Variants in SLC5A4 observed in about 807,000 individuals in gnomAD.
The protein encoded by SLC5A4 is solute carrier family 5 member 4, also known as probable glucose sensor protein SLC5A4.
Under a neutral mutation model 70.3 loss-of-function variants are expected in SLC5A4, and 55 were observed. That is an observed-to-expected ratio of 0.78 (90% confidence interval 0.63 to 0.98). SLC5A4 has a LOEUF of 0.98. Ranked by LOEUF, SLC5A4 falls within the 50% of genes least tolerant of loss-of-function variation. The pLI is 0.00. For synonymous variants in SLC5A4, 268 were observed against 305.7 expected, an observed-to-expected ratio of 0.88 and a Z score of 1.29; for missense variants, 735 against 839.2, an observed-to-expected ratio of 0.88 and a Z score of 1.53.
the SLC5A4 span, chr22:32,272,568 G>T: frequency 1.6e-6 from 1 of 638,178 alleles, no homozygotes; most frequent in East Asian, 2.7e-5. Context: ...GGTGTACAGC[G>T]TGGACTTCAT....
chr22:32,245,136 G>A (rs1005225143), intron 5 of SLC5A4, among the ~76,000 whole-genome samples: 1 of 152,162 alleles, frequency 6.6e-6, no homozygotes, highest in Non-Finnish European at 1.5e-5. Flanking sequence ...GGGCAGAGGA[G>A]AGTTATGAAA....
chr22:32,325,910 A>G, the SLC5A4 span, among the ~76,000 whole-genome samples: 4 of 152,206 alleles, frequency 2.6e-5, no homozygotes, highest in South Asian at 4.1e-4. Context: ...TGGCCTGGGC[A>G]GGCTGGGGAG....
the SLC5A4 span, chr22:32,269,353 A>AT: frequency 2.8e-6 from 1 of 360,400 alleles, no homozygotes; most frequent in Non-Finnish European, 5.3e-6. This position sits in a 1 kb window ranked among gnomAD's most constrained non-coding sequence, Gnocchi z 4.1. Flanking sequence ...TTTTGATTCC[A>AT]TAGGAGTGGG....
At chr22:32,351,891 A>C in the SLC5A4 span, among the ~76,000 whole-genome samples, 3 of 151,874 alleles carry the variant, frequency 2.0e-5, no homozygotes, top group Non-Finnish European at 4.4e-5. Flanking sequence ...CAAGAAATAG[A>C]AGCAGCAGCA....
the SLC5A4 span, among the ~76,000 whole-genome samples, chr22:32,341,796 T>A: frequency 1.3e-5 from 2 of 152,208 alleles, no homozygotes; most frequent in African/African-American, 4.8e-5. Flanking sequence ...GTTCTCCAAA[T>A]ACACCCAGCG....
At chr22:32,306,649 A>AT in the SLC5A4 span, among the ~76,000 whole-genome samples, 1 of 152,108 alleles carries the variant, frequency 6.6e-6, no homozygotes, top group African/African-American at 2.4e-5. Flanking sequence ...AAATATTTCC[A>AT]TCCCCCAACC....
At chr22:32,348,989 T>G in the SLC5A4 span, among the ~76,000 whole-genome samples, 2 of 152,192 alleles carry the variant, frequency 1.3e-5, no homozygotes, top group African/African-American at 4.8e-5. Context: ...TTGTTGTTGT[T>G]TTTTTAAGAC....
In SLC5A4 at chr22:32,248,761, A is replaced by T; in HGVS notation, c.354T>A (p.Pro118=). Residue 118 remains proline (P), a synonymous_variant, in exon 4 of 15, where the codon CCT becomes CCA. Coordinates refer to ENST00000266086, the MANE Select transcript of SLC5A4 (RefSeq NM_014227.3). The part of the protein sequence containing the change: ...MLLILGWIFV[P]IYIKSGVMTM... Reference sequence around the variant, plus strand: ...TACTCACCCCCGACTTGATGTAGATAGGGACAAAGATCCACCCAAGAATCA... The same window carrying T: ...TACTCACCCCCGACTTGATGTAGATTGGGACAAAGATCCACCCAAGAATCA... 1 of 1,613,130 alleles carries T rather than the reference A, an allele frequency of 6.2e-7. No individual in the cohort carries two copies. Among genetic ancestry groups the T allele is most frequent in the Non-Finnish European group, 8.5e-7 (1 of 1,179,060 alleles).
the SLC5A4 span, among the ~76,000 whole-genome samples, chr22:32,347,599 G>C: frequency 1.3e-5 from 2 of 149,820 alleles, no homozygotes; most frequent in Non-Finnish European, 3.0e-5. Context: ...GCAAACTATC[G>C]CAAGGACAGA....
chr22:32,354,446 G>A, the SLC5A4 span, among the ~76,000 whole-genome samples: 1 of 148,962 alleles, frequency 6.7e-6, no homozygotes, highest in East Asian at 2.1e-4. Context: ...CGCAGGCAAT[G>A]ATGCCCTGGA....
chr22:32,225,632 C>CT, intron 12 of SLC5A4, 23 bp downstream of exon 12: 5 of 1,539,856 alleles, frequency 3.2e-6, no homozygotes, highest in East Asian at 2.3e-5. Context: ...AGCAGGGAAA[C>CT]TTTTTTTCCA....
intron 7 of SLC5A4, among the ~76,000 whole-genome samples, chr22:32,236,110 A>G (rs1195026357): frequency 6.6e-6 from 1 of 152,204 alleles, no homozygotes; most frequent in Non-Finnish European, 1.5e-5. Context: ...ATGAACAAGA[A>G]CAGCACAGAA....
Position 32,218,510 on chromosome 22 carries a change from G to C in SLC5A4, c.*4C>G. On this transcript the variant is annotated 3_prime_UTR_variant, in exon 15 of 15. Transcript: ENST00000266086. ...ATTCATTATTCTAATGGCTCAGATA[G>C]AGTTCAGGCATAGTAGCCGTGAATA... 1 of 1,553,820 alleles carries C rather than the reference G, an allele frequency of 6.4e-7. No individual in the cohort carries two copies. The highest frequency in any genetic ancestry group is 8.8e-7 in the Non-Finnish European group (1 of 1,137,720).
the SLC5A4 span, among the ~76,000 whole-genome samples, chr22:32,300,139 C>A: frequency 6.6e-6 from 1 of 152,130 alleles, no homozygotes; most frequent in Non-Finnish European, 1.5e-5. Context: ...AGAGGTGGAG[C>A]CTACAGAGGC....
chr22:32,337,801 A>C, the SLC5A4 span, among the ~76,000 whole-genome samples: 3 of 152,218 alleles, frequency 2.0e-5, no homozygotes, highest in African/African-American at 7.2e-5. Flanking sequence ...TCACCACTTA[A>C]TAAATTTCCA....
chr22:32,323,557 T>C, the SLC5A4 span, among the ~76,000 whole-genome samples: 1 of 152,214 alleles, frequency 6.6e-6, no homozygotes, highest in Non-Finnish European at 1.5e-5. Flanking sequence ...TCTCTGGCCT[T>C]GGAGACCCTG....
the SLC5A4 span, among the ~76,000 whole-genome samples, chr22:32,327,696 C>T: frequency 6.6e-6 from 1 of 152,136 alleles, no homozygotes; most frequent in Admixed American, 6.5e-5. Context: ...ACCTTCCCAT[C>T]CCCTGCAGAC....
chr22:32,259,440 T>G (rs1354378084), upstream of SLC5A4, among the ~76,000 whole-genome samples: 1 of 152,242 alleles, frequency 6.6e-6, no homozygotes, highest in Admixed American at 6.5e-5. Flanking sequence ...GGCTGAATTT[T>G]GTCAATGCTT....
At chr22:32,354,476 C>A in the SLC5A4 span, among the ~76,000 whole-genome samples, 17 of 150,024 alleles carry the variant, frequency 1.1e-4, no homozygotes, top group Admixed American at 6.6e-5. Flanking sequence ...TCCCGCCCAC[C>A]GCAGGCAGAG....
Sources: allele counts gnomAD v4.1 joint callset (sites outside exome capture counted in the v4.1 genomes callset), GRCh38; gene constraint gnomAD v4.1.1; non-coding constraint Gnocchi (gnomAD v3.1); transcripts MANE v1.5; gene names NCBI Gene and HGNC (gene_info 2026-07-23, HGNC 2026-07-21).